KIAA0825: variants seen among roughly 807,000 people sequenced by gnomAD.
KIAA0825 encodes the protein uncharacterized protein KIAA0825.
A neutral mutation model predicts 147.6 loss-of-function variants in KIAA0825; 119 were observed. The observed-to-expected ratio is 0.81, with a 90% CI of 0.69 to 0.94. The LOEUF (loss-of-function observed/expected upper bound fraction) is 0.94. Ranked by LOEUF, KIAA0825 falls within the 40% of genes least tolerant of loss-of-function variation. The pLI is 0.00. For missense variants in KIAA0825, 1,381 were observed against 1,472.7 expected, an observed-to-expected ratio of 0.94 and a Z score of 1.02; for synonymous variants, 470 against 518.1, an observed-to-expected ratio of 0.91 and a Z score of 1.26.
chr5:94,309,672 T>A (rs1778989508), intron 20 of KIAA0825, among the ~76,000 whole-genome samples: 2 of 151,754 alleles, frequency 1.3e-5, no homozygotes, highest in Admixed American at 6.6e-5. Flanking sequence ...AGTGGCAACA[T>A]CTCAGAAAGG....
At chr5:94,416,335 G>C (rs533969326) in intron 15 of KIAA0825, 1 of 152,244 alleles carries the variant, frequency 6.6e-6, no homozygotes, top group East Asian at 1.9e-4. Flanking sequence ...CAAAAAGTCT[G>C]GGAGGAGTGA....
chr5:94,169,472 T>C (rs534149936), intron 20 of KIAA0825, among the ~76,000 whole-genome samples: 3 of 151,746 alleles, frequency 2.0e-5, no homozygotes, highest in East Asian at 3.9e-4. Context: ...ATCCCAGCAT[T>C]TTGGGAGGCT....
intron 5 of KIAA0825, among the ~76,000 whole-genome samples, chr5:94,487,717 T>C (rs1763217101): frequency 6.6e-6 from 1 of 152,086 alleles, no homozygotes; most frequent in African/African-American, 2.4e-5. Flanking sequence ...AAGTTACCTC[T>C]CCAGAAAACA....
At chr5:94,229,994 G>A (rs1205138926) in intron 20 of KIAA0825, among the ~76,000 whole-genome samples, 1 of 151,932 alleles carries the variant, frequency 6.6e-6, no homozygotes, top group Non-Finnish European at 1.5e-5. Context: ...AGGCTATCTA[G>A]GTAATTCTAG....
intron 14 of KIAA0825, among the ~76,000 whole-genome samples, chr5:94,420,801 G>A (rs1022568261): frequency 1.3e-5 from 2 of 152,030 alleles, no homozygotes; most frequent in Non-Finnish European, 2.9e-5. Flanking sequence ...TTAATGCTAA[G>A]GAAGGAAGAA....
chr5:94,402,003 GC>G (rs1156586427), intron 16 of KIAA0825, among the ~76,000 whole-genome samples: 4 of 152,074 alleles, frequency 2.6e-5, no homozygotes, highest in Non-Finnish European at 5.9e-5. Context: ...AATGGCATTC[GC>G]CTATTGTCAT....
At chr5:94,486,793 A>G (rs976552514) in intron 5 of KIAA0825, among the ~76,000 whole-genome samples, 4 of 152,178 alleles carry the variant, frequency 2.6e-5, no homozygotes, top group African/African-American at 4.8e-5. Flanking sequence ...TATTTGACTT[A>G]TCTTAAGCTT....
At chr5:94,525,764 A>G (rs572611778) in intron 3 of KIAA0825, among the ~76,000 whole-genome samples, 2 of 152,096 alleles carry the variant, frequency 1.3e-5, no homozygotes, top group South Asian at 4.1e-4. Context: ...ATGAGGACTC[A>G]GATTTTAGGC....
intron 5 of KIAA0825, among the ~76,000 whole-genome samples, chr5:94,510,048 C>T (rs1370010813): frequency 2.0e-5 from 3 of 152,158 alleles, no homozygotes; most frequent in Non-Finnish European, 4.4e-5. Context: ...ATAGCTTTCT[C>T]TGACAACGAT....
intron 20 of KIAA0825, among the ~76,000 whole-genome samples, chr5:94,367,377 A>G (rs1746014849): frequency 1.3e-5 from 2 of 152,174 alleles, no homozygotes; most frequent in Non-Finnish European, 2.9e-5. Flanking sequence ...GGGCGCCTGT[A>G]ATCCCAGCTA....
intron 20 of KIAA0825, among the ~76,000 whole-genome samples, chr5:94,336,995 C>G (rs976633431): frequency 1.3e-5 from 2 of 152,112 alleles, no homozygotes; most frequent in African/African-American, 4.8e-5. Flanking sequence ...TCAGCAATAA[C>G]AAGAAACTAC....
rs561598524 is a variant in KIAA0825, at chr5:94,419,388, T to C, written c.2498-2023A>G. Among the ~76,000 whole-genome samples the C allele has an allele frequency of 2.0e-5, 3 of 152,316 alleles. No individual in the cohort carries two copies. The East Asian group carries it at 5.8e-4, about 29-fold the overall frequency. On this transcript the variant is annotated intron_variant, in intron 14 of 20. Transcript: ENST00000682413. ...TACATAAAATTATCCATTATCCTCA[T>C]GTCCTTCCTTGTTTTAACCTTCCCC...
In KIAA0825 at chr5:94,470,069, G is replaced by C; in HGVS notation, c.1764C>G (p.Ile588Met). The C allele has an allele frequency of 6.4e-7, 1 of 1,551,528 alleles. No individual in the cohort carries two copies. The highest frequency in any genetic ancestry group is 1.4e-5 in the African/African-American group (1 of 73,156). ...LVLVQRYQEF[I>M]NTLQFQVTNY... Reference sequence around the variant, plus strand: ...TCGTAACCTGAAACTGTAGAGTGTTGATGAATTCCTGATATCGTTGGACAA... The same window carrying C: ...TCGTAACCTGAAACTGTAGAGTGTTCATGAATTCCTGATATCGTTGGACAA... The change falls in exon 10 of 21, where the codon ATC (isoleucine) becomes ATG (methionine). Residue 588 changes from isoleucine (I) to methionine (M), a missense_variant. By Grantham distance (10) the Ile-to-Met change is conservative. Transcript: ENST00000682413.
At chr5:94,439,223 T>C (rs539476778) in intron 14 of KIAA0825, among the ~76,000 whole-genome samples, 1 of 152,282 alleles carries the variant, frequency 6.6e-6, no homozygotes, top group African/African-American at 2.4e-5. Context: ...AAGAAAGATT[T>C]TGATTTGGGA....
At chr5:94,518,183 G>T (rs1366317384) in intron 5 of KIAA0825, among the ~76,000 whole-genome samples, 2 of 152,258 alleles carry the variant, frequency 1.3e-5, no homozygotes, top group East Asian at 3.9e-4. Flanking sequence ...GCCATTGTCG[G>T]TCATCTCAAA....
intron 20 of KIAA0825, among the ~76,000 whole-genome samples, chr5:94,172,477 A>G (rs981617023): frequency 1.3e-5 from 2 of 152,228 alleles, no homozygotes; most frequent in Non-Finnish European, 2.9e-5. Context: ...TATCCCCTAA[A>G]TACTCAGCAG....
chr5:94,582,471 T>A lies in KIAA0825; in HGVS notation c.-40A>T, dbSNP rs1782378729. 6.6e-6 allele frequency: 1 copy of A among 152,218 alleles called. No homozygotes were observed. The highest frequency in any genetic ancestry group is 6.5e-5 in the Admixed American group (1 of 15,282). The allele number at this position is 152,218 out of a possible 1,614,324, so 9.4% of individuals were successfully genotyped here. A position where few individuals can be genotyped will look rare whatever the true frequency, so the allele number is the denominator to read the frequency against. ...AGAAGACACTAAGAATGAACTGGTC[T>A]TCGAATCCTAAGGAGGTAGAAAATT... On this transcript the variant is annotated 5_prime_UTR_variant, in exon 2 of 21. The change creates a new upstream start codon in the 5' untranslated region. Coordinates refer to ENST00000682413, the MANE Select transcript of KIAA0825 (RefSeq NM_001145678.3).
intron 20 of KIAA0825, among the ~76,000 whole-genome samples, chr5:94,329,971 G>T (rs1781099191): frequency 6.6e-6 from 1 of 151,558 alleles, no homozygotes; most frequent in Non-Finnish European, 1.5e-5. Context: ...CTGTTTAAAG[G>T]GTACAAACAT....
At chr5:94,295,209 T>C (rs562491868) in intron 20 of KIAA0825, among the ~76,000 whole-genome samples, 114 of 152,062 alleles carry the variant, frequency 7.5e-4, no homozygotes, top group African/African-American at 2.7e-3. Flanking sequence ...GCTTGATCAA[T>C]TCGGCTACTG....
Sources: gnomAD v4.1 joint callset for allele counts (sites outside exome capture counted in the v4.1 genomes callset) on GRCh38, gnomAD v4.1.1 for gene constraint, MANE v1.5 for transcripts, NCBI Gene and HGNC (gene_info 2026-07-23, HGNC 2026-07-21) for gene names.